The following LRP2 variants were observed in gnomAD, a reference collection of about 807,000 sequenced individuals.
LRP2 encodes the protein LDL receptor related protein 2.
A neutral mutation model predicts 531.0 loss-of-function variants in LRP2; 172 were observed. The observed-to-expected ratio is 0.32, with a 90% CI of 0.29 to 0.37. The LOEUF (loss-of-function observed/expected upper bound fraction) is 0.37. Ranked by LOEUF, LRP2 falls within the 10% of genes least tolerant of loss-of-function variation. The probability of loss-of-function intolerance (pLI) is 1.00; values close to 1 mark genes in which losing one functional copy is unlikely to be tolerated. For synonymous variants in LRP2, 1,992 were observed against 2,027.6 expected (o/e 0.98, Z 0.47); for missense variants, 5,167 against 5,868.3 (o/e 0.88, Z 3.90).
intron 19 of LRP2, among the ~76,000 whole-genome samples, chr2:169,255,192 C>A (rs1360307348): frequency 6.6e-6 from 1 of 152,130 alleles, no homozygotes; most frequent in East Asian, 1.9e-4. Context: ...CAAAACATGA[C>A]CCCTCTAACT....
rs750217635 is a variant in LRP2 at position 169,294,732 on chromosome 2, A to G, written c.428-22T>C. Reference sequence around the variant, plus strand: ...TACTCTATTGTAAAAAAAAAAAAAAAAAAAAAAAGGAAAAGGAAACAGTAA... The same window carrying G: ...TACTCTATTGTAAAAAAAAAAAAAAGAAAAAAAAGGAAAAGGAAACAGTAA... On this transcript the variant is annotated intron_variant, in intron 4 of 78. Coordinates refer to ENST00000649046, the MANE Select transcript of LRP2 (RefSeq NM_004525.3). 5.1e-5 allele frequency: 76 copies of G among 1,490,024 alleles called. 5 individuals are homozygous for G. Among genetic ancestry groups the G allele is most frequent in the Non-Finnish European group, 6.6e-5 (71 of 1,080,692 alleles). 92.3% of individuals were successfully genotyped at this position (1,490,024 alleles called of 1,614,324 possible).
At chr2:169,271,766 C>T in intron 15 of LRP2, 1 of 844,454 alleles carries the variant, frequency 1.2e-6, no homozygotes, top group South Asian at 5.4e-5. Context: ...GCATAGAGAT[C>T]TACACCAAGA....
At chr2:169,322,546 G>A (rs1408451731) in intron 1 of LRP2, among the ~76,000 whole-genome samples, 1 of 152,246 alleles carries the variant, frequency 6.6e-6, no homozygotes, top group East Asian at 1.9e-4. Context: ...TGCCCCTAAG[G>A]AATGTACAAA....
intron 52 of LRP2, among the ~76,000 whole-genome samples, chr2:169,181,124 G>A (rs1227025542): frequency 6.6e-6 from 1 of 151,948 alleles, no homozygotes; most frequent in Non-Finnish European, 1.5e-5. Context: ...GCAAATTAAA[G>A]AGATAAAAAA....
chr2:169,169,862 C>T (rs1686931215), intron 59 of LRP2, 44 bp from the exon 60 acceptor site: 2 of 1,327,398 alleles, frequency 1.5e-6, no homozygotes, highest in Non-Finnish European at 2.2e-6. Flanking sequence ...TTGTCATTTT[C>T]AGACAGATAT....
At position 169,257,031 on chromosome 2, in the gene LRP2, A is replaced by C. The variant is rs147935922; in HGVS notation, c.2639+93T>G. On this transcript the variant is annotated intron_variant, in intron 18 of 78. Transcript: ENST00000649046. ...AAATTCCGCGAGGGCAAGCAGTACC[A>C]GTTTCCTTACACCATCATATCACCC... The C allele has an allele frequency of 3.2e-4, 464 of 1,429,726 alleles. 1 individual carries two copies. The highest frequency in any genetic ancestry group is 2.8e-3 in the Middle Eastern group (15 of 5,386). 88.6% of individuals were successfully genotyped at this position (1,429,726 alleles called of 1,614,324 possible).
chr2:169,189,125 A>AG (rs1357868039), intron 48 of LRP2, among the ~76,000 whole-genome samples: 1 of 152,204 alleles, frequency 6.6e-6, no homozygotes, highest in Non-Finnish European at 1.5e-5. Context: ...TGATGTCTAA[A>AG]GGGGGTCTCA....
At chr2:169,139,201 T>C (rs1574063968) in intron 74 of LRP2, 50 bp downstream of exon 74, 1 of 1,613,894 alleles carries the variant, frequency 6.2e-7, no homozygotes, top group Non-Finnish European at 8.5e-7. Flanking sequence ...CATGGCTTCA[T>C]ATGAATTTCT....
At chr2:169,298,688 T>C (rs1684194118) in intron 4 of LRP2, among the ~76,000 whole-genome samples, 1 of 152,244 alleles carries the variant, frequency 6.6e-6, no homozygotes, top group African/African-American at 2.4e-5. Flanking sequence ...AGGCCAACTC[T>C]AGTTTCCCAC....
intron 60 of LRP2, 131 bp downstream of exon 60, chr2:169,169,571 T>A (rs1186419138): frequency 2.6e-6 from 2 of 776,274 alleles, no homozygotes; most frequent in African/African-American, 3.4e-5. Flanking sequence ...GGTGAACTGA[T>A]CATTATCAGT....
chr2:169,320,445 A>G (rs1242049142), intron 2 of LRP2, among the ~76,000 whole-genome samples: 1 of 152,208 alleles, frequency 6.6e-6, no homozygotes, highest in Non-Finnish European at 1.5e-5. Context: ...GGGTACACAA[A>G]ATTTACAGAG....
At chr2:169,217,659 G>A (rs1385610385) in intron 34 of LRP2, among the ~76,000 whole-genome samples, 1 of 151,850 alleles carries the variant, frequency 6.6e-6, no homozygotes, top group Non-Finnish European at 1.5e-5. Context: ...CGTGAATTCT[G>A]AATTCACTAA....
intron 26 of LRP2, 116 bp downstream of exon 26, chr2:169,239,411 T>C: frequency 6.4e-7 from 1 of 1,562,908 alleles, no homozygotes; most frequent in Non-Finnish European, 8.8e-7. Context: ...GCATAATCTT[T>C]CCAGGATTCA....
In LRP2 at chr2:169,228,796, G is replaced by A. The variant is rs139692559; in HGVS notation, c.5228-2208C>T. Among the ~76,000 whole-genome samples the A allele has an allele frequency of 7.4e-3, 1,131 of 152,302 alleles. 9 individuals carry two copies. The highest frequency in any genetic ancestry group is 0.026 in the African/African-American group (1,075 of 41,576). The stretch of plus-strand genomic sequence containing the variant: ...TGGCTGAAACTGTGAGCATCATGGT[G>A]GGGGATGATGCCAGGGGAGTAATAG... On this transcript the variant is annotated intron_variant, in intron 31 of 78. Transcript: ENST00000649046.
At chr2:169,168,057 G>A in intron 61 of LRP2, among the ~76,000 whole-genome samples, 1 of 53,824 alleles carries the variant, frequency 1.9e-5, no homozygotes, top group African/African-American at 6.1e-5. Flanking sequence ...GCATCATTCA[G>A]CAAGAGGGAA....
chr2:169,202,079 G>A (rs1201851673), intron 43 of LRP2, among the ~76,000 whole-genome samples: 4 of 152,016 alleles, frequency 2.6e-5, no homozygotes, highest in Non-Finnish European at 5.9e-5. Flanking sequence ...ATTGTTTTAG[G>A]CACAAATCAA....
intron 63 of LRP2, among the ~76,000 whole-genome samples, chr2:169,158,527 A>T (rs929236450): frequency 6.6e-6 from 1 of 152,002 alleles, no homozygotes; most frequent in Non-Finnish European, 1.5e-5. Flanking sequence ...GGTTTCAAAG[A>T]TGTTAAAATA....
Position 169,213,801 on chromosome 2 carries a change from T to C in LRP2, c.5896A>G (p.Ile1966Val). 1 of 1,613,814 alleles carries C rather than the reference T, an allele frequency of 6.2e-7. No individual in the cohort carries two copies. The highest frequency in any genetic ancestry group is 1.1e-5 in the South Asian group (1 of 91,072). ...LVHQLSHPWG[I>V]AVHDSFLYYT... ...TAAAGGAAAGAATCATGGACTGCAA[T>C]TCCCCAGGGGTGGGAAAGCTGGTGT... The change falls in exon 36 of 79, where the codon ATT (isoleucine) becomes GTT (valine). Residue 1966 changes from isoleucine to valine, a missense_variant. Ile to Val is a conservative substitution (Grantham distance 29). Transcript: ENST00000649046.
intron 52 of LRP2, 83 bp from the exon 53 acceptor site, chr2:169,178,109 C>A: frequency 1.0e-6 from 1 of 1,002,372 alleles, no homozygotes; most frequent in Non-Finnish European, 1.5e-6. Flanking sequence ...ATTCACAAAT[C>A]AATAAAATTC....
Sources: allele counts gnomAD v4.1 joint callset (sites outside exome capture counted in the v4.1 genomes callset), GRCh38; gene constraint gnomAD v4.1.1; transcripts MANE v1.5; gene names NCBI Gene and HGNC (gene_info 2026-07-23, HGNC 2026-07-21).